SCFD2: variants seen among roughly 807,000 people sequenced by gnomAD.
The protein encoded by SCFD2 is sec1 family domain containing 2, also known as sec1 family domain-containing protein 2.
Under a neutral mutation model 58.9 loss-of-function variants are expected in SCFD2, and 54 were observed. The observed-to-expected ratio is 0.92, with a 90% CI of 0.74 to 1.15. The LOEUF is 1.15. Among genes scored for constraint, SCFD2 ranks in the 50% most tolerant of loss-of-function variants. The probability of loss-of-function intolerance (pLI) is 0.00; values close to 1 mark genes in which losing one functional copy is unlikely to be tolerated. For missense variants in SCFD2, 805 were observed against 836.6 expected (o/e 0.96, Z 0.47); for synonymous variants, 321 against 335.9 (o/e 0.96, Z 0.49).
At chr4:52,893,194 C>A (rs1164541850) in intron 7 of SCFD2, among the ~76,000 whole-genome samples, 1 of 151,794 alleles carries the variant, frequency 6.6e-6, no homozygotes, top group Non-Finnish European at 1.5e-5. Flanking sequence ...GCTTTTTCTT[C>A]TCTCCTCTCC....
intron 5 of SCFD2, among the ~76,000 whole-genome samples, chr4:52,944,641 G>T (rs1429376980): frequency 6.6e-6 from 1 of 152,194 alleles, no homozygotes; most frequent in Non-Finnish European, 1.5e-5. Context: ...GGACAAAACT[G>T]CCTGGTCTCT....
intron 4 of SCFD2, among the ~76,000 whole-genome samples, chr4:53,216,148 A>C (rs1728823579): frequency 6.6e-6 from 1 of 152,202 alleles, no homozygotes; most frequent in African/African-American, 2.4e-5. Context: ...TGTCAGGATG[A>C]TGCTGGCCTC....
chr4:52,971,169 A>G (rs1721090503), intron 5 of SCFD2, among the ~76,000 whole-genome samples: 1 of 152,220 alleles, frequency 6.6e-6, no homozygotes, highest in Non-Finnish European at 1.5e-5. Flanking sequence ...TGGATGGAGA[A>G]TGACTTTGAC....
chr4:53,197,930 T>C (rs1455535595), intron 4 of SCFD2, among the ~76,000 whole-genome samples: 2 of 152,078 alleles, frequency 1.3e-5, no homozygotes, highest in African/African-American at 4.8e-5. Context: ...AAACCTTTTC[T>C]TTCCATCTGT....
At chr4:53,238,461 C>T (rs1426700391) in intron 4 of SCFD2, among the ~76,000 whole-genome samples, 3 of 149,824 alleles carry the variant, frequency 2.0e-5, no homozygotes, top group Non-Finnish European at 4.5e-5. Flanking sequence ...CTGACCCCCC[C>T]ACCTCCCTCC....
chr4:53,308,549 T>C (rs1732587435), intron 3 of SCFD2, among the ~76,000 whole-genome samples: 1 of 152,102 alleles, frequency 6.6e-6, no homozygotes, highest in South Asian at 2.1e-4. Flanking sequence ...CATGCACACA[T>C]GCTCCTCTTA....
At position 53,014,857 on chromosome 4, in the gene SCFD2, C is replaced by T. The variant is rs534689631; in HGVS notation, c.1562-93987G>A. On this transcript the variant is annotated intron_variant, in intron 5 of 8. Coordinates refer to ENST00000401642, the MANE Select transcript of SCFD2 (RefSeq NM_152540.4). ...CCTACATAGCTTGCTTTGGTACAGA[C>T]GGTAAGGGGACAACCAAAAAATGGT... Among the ~76,000 whole-genome samples, 6 of 152,244 alleles carry T rather than the reference C, an allele frequency of 3.9e-5. No individual in the cohort carries two copies. In the East Asian group the frequency reaches 5.8e-4, roughly 15 times the overall value.
At chr4:53,214,917 C>G (rs1728762492) in intron 4 of SCFD2, among the ~76,000 whole-genome samples, 1 of 152,158 alleles carries the variant, frequency 6.6e-6, no homozygotes, top group Non-Finnish European at 1.5e-5. Context: ...GGAATCCTTT[C>G]TGCATTGCTT....
chr4:53,066,517 A>G (rs1463792254), intron 5 of SCFD2, among the ~76,000 whole-genome samples: 1 of 152,124 alleles, frequency 6.6e-6, no homozygotes, highest in Admixed American at 6.6e-5. Context: ...TTATGGTGAA[A>G]CAAAACATAC....
At chr4:52,889,834 C>G (rs1170086976) in intron 7 of SCFD2, among the ~76,000 whole-genome samples, 1 of 152,210 alleles carries the variant, frequency 6.6e-6, no homozygotes, top group Non-Finnish European at 1.5e-5. Context: ...TAACACTCTA[C>G]CTTATACTTA....
chr4:53,351,550 C>T (rs1420410483), intron 2 of SCFD2, among the ~76,000 whole-genome samples: 5 of 152,152 alleles, frequency 3.3e-5, no homozygotes, highest in African/African-American at 9.7e-5. Context: ...TGTTAGTTAA[C>T]CTAGAGTAAG....
At chr4:53,252,115 G>C (rs1216423647) in intron 4 of SCFD2, among the ~76,000 whole-genome samples, 3 of 147,890 alleles carry the variant, frequency 2.0e-5, no homozygotes, top group Non-Finnish European at 3.0e-5. Context: ...GCCAAATCAT[G>C]AGTGAACTCC....
chr4:52,934,367 G>T (rs1720078630), intron 5 of SCFD2, among the ~76,000 whole-genome samples: 1 of 152,220 alleles, frequency 6.6e-6, no homozygotes, highest in Non-Finnish European at 1.5e-5. Flanking sequence ...AACCAGTTTG[G>T]CATCTCATGT....
intron 5 of SCFD2, among the ~76,000 whole-genome samples, chr4:53,039,604 T>C (rs1484177364): frequency 6.6e-6 from 1 of 152,214 alleles, no homozygotes; most frequent in Admixed American, 6.6e-5. Context: ...AGTTTAGGCA[T>C]ATCTTTTGCA....
chr4:53,361,426 T>C (rs1734545221), intron 1 of SCFD2, among the ~76,000 whole-genome samples: 1 of 152,260 alleles, frequency 6.6e-6, no homozygotes, highest in South Asian at 2.1e-4. Flanking sequence ...AGACAAGGTC[T>C]CGCTCTGTCA....
chr4:53,114,125 C>A (rs545004287), intron 5 of SCFD2, among the ~76,000 whole-genome samples: 1 of 152,138 alleles, frequency 6.6e-6, no homozygotes, highest in South Asian at 2.1e-4. Flanking sequence ...AAGTATGAGA[C>A]AATAATTGTA....
chr4:53,181,809 C>G (rs1286488043), intron 4 of SCFD2, among the ~76,000 whole-genome samples: 4 of 152,172 alleles, frequency 2.6e-5, no homozygotes, highest in Admixed American at 1.3e-4. Flanking sequence ...TCAGCAAAGT[C>G]TCAGGATACA....
chr4:53,203,851 C>T lies in SCFD2; in HGVS notation c.1312-58269G>A, dbSNP rs962288509. Among the ~76,000 whole-genome samples, 45 of 152,222 alleles carry T rather than the reference C, an allele frequency of 3.0e-4. 1 individual carries two copies. The highest frequency in any genetic ancestry group is 1.0e-3 in the African/African-American group (43 of 41,470). ...ATCCCTAAATGTCCCCACCAACACT[C>T]CATCCAGATCACTCAGCAGGAGGTT... is the stretch of plus-strand genomic sequence containing the variant. On this transcript the variant is annotated intron_variant, in intron 4 of 8. Coordinates refer to ENST00000401642, the MANE Select transcript of SCFD2 (RefSeq NM_152540.4).
chr4:53,141,947 C>G (rs916843113), intron 5 of SCFD2, among the ~76,000 whole-genome samples: 5 of 152,156 alleles, frequency 3.3e-5, no homozygotes, highest in African/African-American at 4.8e-5. Context: ...TTGATCTTCC[C>G]CACCAAATCC....
Sources: gnomAD v4.1 joint callset for allele counts (sites outside exome capture counted in the v4.1 genomes callset) on GRCh38, gnomAD v4.1.1 for gene constraint, MANE v1.5 for transcripts, NCBI Gene and HGNC (gene_info 2026-07-23, HGNC 2026-07-21) for gene names.